The following PKHD1 variants were observed in gnomAD, a reference collection of about 807,000 sequenced individuals.
PKHD1 encodes PKHD1 ciliary IPT domain containing fibrocystin/polyductin.
PKHD1 carries 291 observed loss-of-function variants against 412.0 expected under a neutral mutation model. The ratio of observed to expected loss-of-function variants is 0.71; its 90% CI spans 0.64 to 0.78. The LOEUF (loss-of-function observed/expected upper bound fraction) is 0.78. Ranked by LOEUF, PKHD1 falls within the 30% of genes least tolerant of loss-of-function variation. The probability of loss-of-function intolerance (pLI) is 0.00; values close to 1 mark genes in which losing one functional copy is unlikely to be tolerated. For missense variants in PKHD1, 4,825 were observed against 4,950.7 expected (o/e 0.97, Z 0.76); for synonymous variants, 1,777 against 1,821.5 (o/e 0.98, Z 0.62).
intron 2 of PKHD1, 111 bp downstream of exon 2, chr6:52,084,771 T>C: frequency 2.5e-6 from 2 of 788,400 alleles, no homozygotes; most frequent in Non-Finnish European, 4.6e-6. Context: ...AAGTTAAAAA[T>C]GCATATATTT....
intron 27 of PKHD1, among the ~76,000 whole-genome samples, chr6:52,036,505 G>A (rs1028553878): frequency 2.6e-5 from 4 of 152,180 alleles, no homozygotes; most frequent in African/African-American, 9.7e-5. Context: ...ATACAAGAGA[G>A]GCAGTGAGGC....
chr6:51,754,147 T>G (rs972843646), intron 56 of PKHD1, among the ~76,000 whole-genome samples: 4 of 152,194 alleles, frequency 2.6e-5, no homozygotes, highest in Admixed American at 2.6e-4. Flanking sequence ...ATCTCCTGGA[T>G]TAGATTTATT....
intron 51 of PKHD1, among the ~76,000 whole-genome samples, chr6:51,831,470 A>G (rs12194557): frequency 0.44 from 67,422 of 152,044 alleles, 16,042 homozygotes; most frequent in Middle Eastern, 0.61. Flanking sequence ...TGCCTTGTAA[A>G]CATAATTTTA....
At chr6:51,782,057 T>TA (rs1393680988) in intron 53 of PKHD1, among the ~76,000 whole-genome samples, 7 of 151,118 alleles carry the variant, frequency 4.6e-5, no homozygotes, top group Non-Finnish European at 1.0e-4. Flanking sequence ...ATTTATATGA[T>TA]TAATTATTTT....
At chr6:51,640,727 T>C (rs1769235878) in intron 63 of PKHD1, among the ~76,000 whole-genome samples, 1 of 152,230 alleles carries the variant, frequency 6.6e-6, no homozygotes, top group Non-Finnish European at 1.5e-5. Context: ...CTCCTAGGTA[T>C]GCATACTAGC....
At chr6:51,775,065 T>C (rs1431405367) in intron 54 of PKHD1, among the ~76,000 whole-genome samples, 1 of 145,092 alleles carries the variant, frequency 6.9e-6, no homozygotes, top group African/African-American at 2.7e-5. Flanking sequence ...TAATAACATA[T>C]TTTTAAATAT....
In PKHD1 at chr6:52,082,005, C is replaced by A. The variant is rs141669564; in HGVS notation, c.281+387G>T. Among the ~76,000 whole-genome samples the A allele has an allele frequency of 5.7e-4, 86 of 152,038 alleles. 1 individual carries two copies. Among genetic ancestry groups the A allele is most frequent in the African/African-American group, 2.1e-3 (85 of 41,448 alleles). ...CAAACTCAGCAAACAGAGCCTAAAG[C>A]AAATTTCTTTTCTAACCAGTTTGGG... On this transcript the variant is annotated intron_variant, in intron 4 of 66. Coordinates refer to ENST00000371117, the MANE Select transcript of PKHD1 (RefSeq NM_138694.4).
At chr6:52,008,631 A>G (rs934065383) in intron 35 of PKHD1, among the ~76,000 whole-genome samples, 2 of 152,208 alleles carry the variant, frequency 1.3e-5, no homozygotes, top group African/African-American at 4.8e-5. Flanking sequence ...AAATAAATTC[A>G]TATCATTTTC....
At chr6:51,785,254 T>C (rs1270916266) in intron 53 of PKHD1, among the ~76,000 whole-genome samples, 1 of 152,204 alleles carries the variant, frequency 6.6e-6, no homozygotes, top group Admixed American at 6.5e-5. Context: ...ATCTATTCAT[T>C]TCATTTCACC....
chr6:51,899,475 G>A (rs1562568983), intron 43 of PKHD1, among the ~76,000 whole-genome samples: 1 of 151,890 alleles, frequency 6.6e-6, no homozygotes, highest in Non-Finnish European at 1.5e-5. Flanking sequence ...AACCCTTCAT[G>A]CTAAAAACTC....
chr6:51,980,961 T>C (rs1479798967), intron 35 of PKHD1, among the ~76,000 whole-genome samples: 1 of 152,190 alleles, frequency 6.6e-6, no homozygotes, highest in Non-Finnish European at 1.5e-5. Context: ...TTTAGTAGCA[T>C]AGCAATATTT....
chr6:51,649,162 T>A lies in PKHD1; in HGVS notation c.11233A>T (p.Ile3745Phe). ...LIYIRPYALS[I>F]LVQPSDGEVG... is the part of the protein sequence containing the mutation. ...TCTCCATCTGAAGGCTGGACTAGGA[T>A]GGAAAGTGCATAGGGCCGAATATAT... The change falls in exon 62 of 67, where the codon ATC (isoleucine) becomes TTC (phenylalanine). Residue 3745 changes from isoleucine to phenylalanine, a missense_variant. By Grantham distance (21) the Ile-to-Phe change is conservative. Coordinates refer to ENST00000371117, the MANE Select transcript of PKHD1 (RefSeq NM_138694.4). 1 of 1,612,666 alleles carries A rather than the reference T, an allele frequency of 6.2e-7. No homozygotes were observed. Among genetic ancestry groups the A allele is most frequent in the Non-Finnish European group, 8.5e-7 (1 of 1,178,704 alleles).
At chr6:51,763,460 T>C (rs1788389550) in intron 55 of PKHD1, among the ~76,000 whole-genome samples, 2 of 152,116 alleles carry the variant, frequency 1.3e-5, no homozygotes, top group African/African-American at 4.8e-5. Context: ...AAAAATCCAT[T>C]CATATGGTTC....
At chr6:51,765,632 A>T (rs1192297081) in intron 55 of PKHD1, among the ~76,000 whole-genome samples, 1 of 152,008 alleles carries the variant, frequency 6.6e-6, no homozygotes, top group Non-Finnish European at 1.5e-5. Context: ...TTTCTGCCCC[A>T]GCTATTTTTG....
At chr6:51,911,385 G>A (rs1782917195) in intron 39 of PKHD1, among the ~76,000 whole-genome samples, 1 of 152,084 alleles carries the variant, frequency 6.6e-6, no homozygotes, top group African/African-American at 2.4e-5. Flanking sequence ...CCCAAAATGG[G>A]GATGGGGGAG....
chr6:51,752,566 G>A (rs191652914), intron 57 of PKHD1, among the ~76,000 whole-genome samples: 9 of 152,246 alleles, frequency 5.9e-5, no homozygotes, highest in Admixed American at 5.2e-4. Context: ...TTTATTCTCG[G>A]CCTTCTCCAG....
At position 52,069,544 on chromosome 6, in the gene PKHD1, G is replaced by A. The variant is rs1360927449; in HGVS notation, c.708-17C>T. The A allele has an allele frequency of 6.2e-7, 1 of 1,601,204 alleles. No homozygotes were observed. Among genetic ancestry groups the A allele is most frequent in the East Asian group, 2.2e-5 (1 of 44,818 alleles). On this transcript the variant is annotated splice_polypyrimidine_tract_variant and intron_variant, in intron 10 of 66. Coordinates refer to ENST00000371117, the MANE Select transcript of PKHD1 (RefSeq NM_138694.4). ...ACCATTGACCTTCGAAAAAGACAAA[G>A]TTCTGTTTTGAATGAAAATATCAAC... is the stretch of plus-strand genomic sequence containing the variant.
chr6:51,802,502 A>G (rs1381792766), intron 52 of PKHD1, among the ~76,000 whole-genome samples: 1 of 151,558 alleles, frequency 6.6e-6, no homozygotes, highest in Non-Finnish European at 1.5e-5. Flanking sequence ...AGGTGATCCA[A>G]TTATTAAATT....
chr6:51,974,984 C>G (rs943145610), intron 35 of PKHD1, among the ~76,000 whole-genome samples: 4 of 152,022 alleles, frequency 2.6e-5, no homozygotes, highest in African/African-American at 9.7e-5. Context: ...ATCAACCTTA[C>G]TAACACCTTG....
Sources: gnomAD v4.1 joint callset for allele counts (sites outside exome capture counted in the v4.1 genomes callset) on GRCh38, gnomAD v4.1.1 for gene constraint, MANE v1.5 for transcripts, NCBI Gene and HGNC (gene_info 2026-07-23, HGNC 2026-07-21) for gene names.